Variants in TUBA1C observed in about 807,000 individuals in gnomAD.
The protein encoded by TUBA1C is tubulin alpha-1C chain.
In TUBA1C, 16 loss-of-function variants were observed where a neutral mutation model predicts 34.9. The ratio of observed to expected loss-of-function variants is 0.46; its 90% CI spans 0.31 to 0.70. The LOEUF is 0.70. Among genes scored for constraint, TUBA1C ranks in the 30% least tolerant of loss-of-function variants. The pLI is 0.05. For missense variants in TUBA1C, 329 were observed against 587.3 expected (o/e 0.56, Z 4.55); for synonymous variants, 177 against 215.9 (o/e 0.82, Z 1.58).
intron 1 of TUBA1C, 30 bp downstream of exon 1, chr12:49,265,214 G>C (rs367928778): frequency 4.4e-6 from 7 of 1,584,372 alleles, no homozygotes; most frequent in Non-Finnish European, 6.0e-6. Flanking sequence ...GGCTGGGGAA[G>C]AGTGCGCGTC....
At chr12:49,246,480 T>C (rs1179292342) in intron 1 of TUBA1C, among the ~76,000 whole-genome samples, 4 of 149,934 alleles carry the variant, frequency 2.7e-5, no homozygotes, top group South Asian at 4.2e-4. Context: ...GAGATCCAGA[T>C]CATCCTGGCT....
chr12:49,273,330 T>A lies in TUBA1C; in HGVS notation c.*103T>A. 6.2e-7 allele frequency: 1 copy of A among 1,600,106 alleles called. No individual in the cohort carries two copies. The highest frequency in any genetic ancestry group is 2.2e-5 in the East Asian group (1 of 44,786). On this transcript the variant is annotated 3_prime_UTR_variant, in exon 4 of 4. Transcript: ENST00000301072. Reference sequence around the variant, plus strand: ...TGTTAATAAAATTGAAGTTTCCATTTTAAATGTCGAGCTGACTTAAATACT... The same window carrying A: ...TGTTAATAAAATTGAAGTTTCCATTATAAATGTCGAGCTGACTTAAATACT...
intron 1 of TUBA1C, among the ~76,000 whole-genome samples, chr12:49,249,296 G>C (rs1042674286): frequency 1.3e-5 from 2 of 151,728 alleles, no homozygotes; most frequent in South Asian, 4.2e-4. Context: ...GTGTGGTGGC[G>C]CATGCCTGTA....
At chr12:49,269,418 C>T (rs1008104087) in intron 1 of TUBA1C, 47 bp from the exon 2 acceptor site, 2 of 1,611,888 alleles carry the variant, frequency 1.2e-6, no homozygotes, top group East Asian at 4.5e-5. Flanking sequence ...CCTAAATGTC[C>T]CATCTGATGT....
Position 49,273,553 on chromosome 12 carries a change from G to A in TUBA1C, c.*326G>A, listed in dbSNP as rs1214074747. On this transcript the variant is annotated 3_prime_UTR_variant, in exon 4 of 4. Coordinates refer to ENST00000301072, the MANE Select transcript of TUBA1C (RefSeq NM_032704.5). Reference sequence around the variant, plus strand: ...CTGCAGGTGCACACCACCATGCCCAGCTATTTTTATTTCTTGTAGAGATGG... The same window carrying A: ...CTGCAGGTGCACACCACCATGCCCAACTATTTTTATTTCTTGTAGAGATGG... 7.7e-6 allele frequency: 3 copies of A among 389,016 alleles called. No individual in the cohort carries two copies. The highest frequency in any genetic ancestry group is 9.7e-6 in the Non-Finnish European group (2 of 206,148). 24.1% of individuals were successfully genotyped at this position (389,016 alleles called of 1,614,324 possible). A position where few individuals can be genotyped will look rare whatever the true frequency, so the allele number is the denominator to read the frequency against.
At chr12:49,257,862 A>AT (rs550187175) in intron 1 of TUBA1C, 2,336 of 168,322 alleles carry the variant, frequency 0.014, no homozygotes, top group South Asian at 0.052. Context: ...AAAGTTTACA[A>AT]TTTTTTTTTT....
At chr12:49,234,855 T>C (rs982591783) in intron 1 of TUBA1C, among the ~76,000 whole-genome samples, 1 of 152,228 alleles carries the variant, frequency 6.6e-6, no homozygotes, top group African/African-American at 2.4e-5. Flanking sequence ...ATTGCTTTTG[T>C]TGCCCAGGCT....
intron 1 of TUBA1C, among the ~76,000 whole-genome samples, chr12:49,236,377 A>G (rs1315852631): frequency 6.6e-6 from 1 of 152,226 alleles, no homozygotes; most frequent in African/African-American, 2.4e-5. Flanking sequence ...CACCCGGAAA[A>G]ATATGGTATG....
At chr12:49,251,024 T>C (rs1942727113) in intron 1 of TUBA1C, among the ~76,000 whole-genome samples, 1 of 152,096 alleles carries the variant, frequency 6.6e-6, no homozygotes, top group African/African-American at 2.4e-5. Context: ...CTGGGCATTA[T>C]GGTGAAACCC....
chr12:49,273,045 C>A lies in TUBA1C; in HGVS notation c.1168C>A (p.Arg390Ser). 6.2e-7 allele frequency: 1 copy of A among 1,614,158 alleles called. No homozygotes were observed. The highest frequency in any genetic ancestry group is 1.7e-5 in the Admixed American group (1 of 60,014). ...CACAGCTGTTGCCGAGGCCTGGGCT[C>A]GCCTGGACCACAAGTTTGACCTGAT... ...NTTAVAEAWA[R>S]LDHKFDLMYA... Residue 390 changes from arginine to serine, a missense_variant, in exon 4 of 4, where the codon CGC (arginine) becomes AGC (serine). Arg to Ser is a moderately radical substitution (Grantham distance 110). This residue lies in a region of TUBA1C where 140 missense variants were observed against 289.8 expected (regional missense o/e 0.48). Transcript: ENST00000301072.
chr12:49,229,415 C>T (rs1042187908), intron 1 of TUBA1C, among the ~76,000 whole-genome samples: 33 of 152,150 alleles, frequency 2.2e-4, no homozygotes, highest in Admixed American at 1.6e-3. Flanking sequence ...TCAGGTGATC[C>T]GCCCGCCTTG....
chr12:49,248,245 A>G (rs1246173672), intron 1 of TUBA1C, among the ~76,000 whole-genome samples: 5 of 150,594 alleles, frequency 3.3e-5, no homozygotes. Context: ...ACTACACTCC[A>G]GCCTGGTGAC....
intron 1 of TUBA1C, among the ~76,000 whole-genome samples, chr12:49,251,874 A>G (rs993711676): frequency 6.6e-6 from 1 of 152,156 alleles, no homozygotes; most frequent in Admixed American, 6.6e-5. Flanking sequence ...GTAATATACA[A>G]TATTAATAAA....
intron 1 of TUBA1C, among the ~76,000 whole-genome samples, chr12:49,244,237 G>A (rs1381074797): frequency 6.6e-6 from 1 of 151,978 alleles, no homozygotes; most frequent in Non-Finnish European, 1.5e-5. Flanking sequence ...CCCTAAATGG[G>A]GCTCTAAATG....
chr12:49,230,677 T>A (rs1942487182), intron 1 of TUBA1C, among the ~76,000 whole-genome samples: 2 of 152,184 alleles, frequency 1.3e-5, no homozygotes, highest in South Asian at 4.1e-4. Flanking sequence ...GCTTTTTAAA[T>A]TTTATTTGAG....
At chr12:49,251,962 C>T (rs2137003359) in intron 1 of TUBA1C, among the ~76,000 whole-genome samples, 1 of 152,124 alleles carries the variant, frequency 6.6e-6, no homozygotes, top group African/African-American at 2.4e-5. Context: ...GATAAAAACT[C>T]AACGAACTAG....
intron 1 of TUBA1C, among the ~76,000 whole-genome samples, chr12:49,265,963 A>AC (rs1032927306): frequency 1.4e-5 from 2 of 141,552 alleles, no homozygotes; most frequent in Non-Finnish European, 3.0e-5. Context: ...ACTTTAAAAA[A>AC]AAAAAAAAAC....
chr12:49,233,598 G>C (rs1164770354), intron 1 of TUBA1C: 1 of 152,222 alleles, frequency 6.6e-6, no homozygotes, highest in East Asian at 1.9e-4. Flanking sequence ...GCCCTGTTTT[G>C]ACCCAGAGCC....
chr12:49,231,697 T>TAGACAGACAGACAGACAGACAGACAGAC (rs541221185), intron 1 of TUBA1C, among the ~76,000 whole-genome samples: 2 of 150,408 alleles, frequency 1.3e-5, no homozygotes, highest in Admixed American at 1.3e-4. Context: ...GATAGATAGA[T>TAGACAGACAGACAGACAGACAGACAGAC]AGACAGACAG....
Sources: gnomAD v4.1 joint callset for allele counts (sites outside exome capture counted in the v4.1 genomes callset) on GRCh38, gnomAD v4.1.1 for gene constraint, gnomAD v4.1.1 regional missense constraint, MANE v1.5 for transcripts, NCBI Gene and HGNC (gene_info 2026-07-23, HGNC 2026-07-21) for gene names.